CNTNAP5: variants seen among roughly 807,000 people sequenced by gnomAD.
CNTNAP5 encodes contactin associated protein family member 5, also known as contactin-associated protein-like 5.
A neutral mutation model predicts 150.2 loss-of-function variants in CNTNAP5; 72 were observed. The ratio of observed to expected loss-of-function variants is 0.48; its 90% CI spans 0.40 to 0.58. The LOEUF is 0.58. Ranked by LOEUF, CNTNAP5 falls within the 20% of genes least tolerant of loss-of-function variation. The pLI is 0.00. For missense variants in CNTNAP5, 1,636 were observed against 1,626.2 expected (o/e 1.01, Z -0.10); for synonymous variants, 672 against 619.8 (o/e 1.08, Z -1.25).
intron 4 of CNTNAP5, among the ~76,000 whole-genome samples, chr2:124,427,747 G>A (rs997034643): frequency 1.1e-4 from 16 of 152,036 alleles, no homozygotes; most frequent in South Asian, 6.2e-4. Flanking sequence ...GTGAGCCACC[G>A]TGCCCGGCCA....
intron 19 of CNTNAP5, among the ~76,000 whole-genome samples, chr2:124,815,668 A>T (rs1258211533): frequency 1.3e-5 from 2 of 152,086 alleles, no homozygotes; most frequent in Admixed American, 1.3e-4. Flanking sequence ...TGGGAAATAC[A>T]TGCTGAAAAT....
intron 5 of CNTNAP5, among the ~76,000 whole-genome samples, chr2:124,442,210 T>C (rs1186447986): frequency 1.3e-5 from 2 of 152,146 alleles, no homozygotes; most frequent in African/African-American, 4.8e-5. Context: ...AAGTTACTGA[T>C]GCTAGCTCTG....
At position 124,608,967 on chromosome 2, in the gene CNTNAP5, C is replaced by CTT. The variant is rs370522807; in HGVS notation, c.1757-832_1757-831dup. 4.4e-3 allele frequency among the ~76,000 whole-genome samples: 665 copies of CTT among 151,870 alleles called. 5 individuals carry two copies. Among genetic ancestry groups the CTT allele is most frequent in the African/African-American group, 0.016 (648 of 41,448 alleles). ...CAAGAAAAAAAAAAAAAGAAAAAGT[C>CTT]TTTAATTAGTAAAAAGCCATACTGT... On this transcript the variant is annotated intron_variant, in intron 11 of 23. Transcript: ENST00000682447.
chr2:124,765,907 G>T (rs1681058378), intron 16 of CNTNAP5, among the ~76,000 whole-genome samples: 3 of 151,926 alleles, frequency 2.0e-5, no homozygotes, highest in Admixed American at 2.0e-4. Flanking sequence ...AGTAAGCCAA[G>T]ATTGCACTAC....
intron 10 of CNTNAP5, among the ~76,000 whole-genome samples, chr2:124,538,650 AAAAG>A (rs1243554580): frequency 4.6e-5 from 7 of 152,018 alleles, no homozygotes; most frequent in South Asian, 2.1e-4. Flanking sequence ...AAAGAAAGGA[AAAAG>A]AAGGAAGGAA....
At chr2:124,669,914 C>T (rs937837807) in intron 13 of CNTNAP5, among the ~76,000 whole-genome samples, 1 of 152,108 alleles carries the variant, frequency 6.6e-6, no homozygotes, top group Non-Finnish European at 1.5e-5. Context: ...ACTACGATTG[C>T]TTCTTCTCAA....
chr2:124,108,455 A>G (rs1683216983), intron 1 of CNTNAP5, among the ~76,000 whole-genome samples: 1 of 152,084 alleles, frequency 6.6e-6, no homozygotes, highest in Non-Finnish European at 1.5e-5. Context: ...AGCCCGGAAG[A>G]CACTTCCTCC....
chr2:124,734,258 C>CAGAG (rs138532680), intron 13 of CNTNAP5, among the ~76,000 whole-genome samples: 1 of 150,016 alleles, frequency 6.7e-6, no homozygotes, highest in African/African-American at 2.4e-5. Flanking sequence ...CAAATGAACA[C>CAGAG]AGAGAGAGAG....
At chr2:124,892,946 A>G (rs1482865137) in intron 21 of CNTNAP5, among the ~76,000 whole-genome samples, 1 of 152,172 alleles carries the variant, frequency 6.6e-6, no homozygotes, top group Non-Finnish European at 1.5e-5. Context: ...TTAGGTTGCC[A>G]GTCAGTTAAC....
At chr2:124,475,445 T>C (rs575677123) in intron 7 of CNTNAP5, among the ~76,000 whole-genome samples, 1 of 152,194 alleles carries the variant, frequency 6.6e-6, no homozygotes, top group East Asian at 1.9e-4. Flanking sequence ...GCATTCACAA[T>C]GCCTAACAGA....
intron 5 of CNTNAP5, among the ~76,000 whole-genome samples, chr2:124,441,999 T>C (rs1169183651): frequency 6.6e-6 from 1 of 152,108 alleles, no homozygotes; most frequent in Non-Finnish European, 1.5e-5. Context: ...ATGATAAGTG[T>C]GTTAATTAAG....
At chr2:124,319,607 T>G (rs1373635701) in intron 3 of CNTNAP5, among the ~76,000 whole-genome samples, 1 of 152,240 alleles carries the variant, frequency 6.6e-6, no homozygotes, top group Non-Finnish European at 1.5e-5. Context: ...ATTTTCCACA[T>G]TACTCATCTC....
chr2:124,612,163 G>C (rs1020818363), intron 12 of CNTNAP5, among the ~76,000 whole-genome samples: 2 of 152,106 alleles, frequency 1.3e-5, no homozygotes, highest in Non-Finnish European at 2.9e-5. Context: ...AGGGAAAAAA[G>C]TATGAAGGAA....
chr2:124,146,220 C>T (rs547163416), intron 1 of CNTNAP5, among the ~76,000 whole-genome samples: 9 of 152,216 alleles, frequency 5.9e-5, no homozygotes, highest in South Asian at 2.1e-4. Context: ...AGCTCAGACC[C>T]GAGCTGTTAA....
At chr2:124,843,745 C>T (rs992116034) in intron 19 of CNTNAP5, among the ~76,000 whole-genome samples, 3 of 152,034 alleles carry the variant, frequency 2.0e-5, no homozygotes, top group African/African-American at 7.2e-5. Flanking sequence ...ATTTACATTT[C>T]CCTGATAATT....
At chr2:124,534,976 A>G (rs1192601785) in intron 10 of CNTNAP5, among the ~76,000 whole-genome samples, 1 of 152,214 alleles carries the variant, frequency 6.6e-6, no homozygotes, top group East Asian at 1.9e-4. Context: ...CTGGTTCAAA[A>G]GCCTCTGACA....
chr2:124,190,909 G>C (rs1429917697), intron 1 of CNTNAP5, among the ~76,000 whole-genome samples: 1 of 152,042 alleles, frequency 6.6e-6, no homozygotes, highest in Non-Finnish European at 1.5e-5. Context: ...ATTTACCCCG[G>C]CATGAGTTTT....
intron 1 of CNTNAP5, among the ~76,000 whole-genome samples, chr2:124,121,066 C>T (rs1222412498): frequency 2.6e-5 from 4 of 151,938 alleles, no homozygotes; most frequent in Non-Finnish European, 4.4e-5. Flanking sequence ...TGTTCCCTGC[C>T]TTGGCCATCT....
chr2:124,242,479 G>C, intron 3 of CNTNAP5, 86 bp downstream of exon 3: 1 of 1,309,988 alleles, frequency 7.6e-7, no homozygotes. Flanking sequence ...CCAATATCCA[G>C]ATTGTTGGTA....
Sources: gnomAD v4.1 joint callset for allele counts (sites outside exome capture counted in the v4.1 genomes callset) on GRCh38, gnomAD v4.1.1 for gene constraint, MANE v1.5 for transcripts, NCBI Gene and HGNC (gene_info 2026-07-23, HGNC 2026-07-21) for gene names.